Variants in ICA1L observed in about 807,000 individuals in gnomAD.
ICA1L encodes the protein islet cell autoantigen 1-like protein.
In ICA1L, 50 loss-of-function variants were observed where a neutral mutation model predicts 61.3. The ratio of observed to expected loss-of-function variants is 0.82; its 90% CI spans 0.65 to 1.03. The LOEUF is 1.03. Among genes scored for constraint, ICA1L ranks in the 50% least tolerant of loss-of-function variants. The pLI, the probability that ICA1L is intolerant of heterozygous loss-of-function variation, is 0.00. For synonymous variants in ICA1L, 161 were observed against 191.3 expected (o/e 0.84, Z 1.31); for missense variants, 508 against 556.7 (o/e 0.91, Z 0.88).
chr2:202,809,565 G>A (rs72932759), intron 9 of ICA1L, among the ~76,000 whole-genome samples: 14,034 of 151,788 alleles, frequency 0.092, 766 homozygotes, highest in Non-Finnish European at 0.13. Context: ...GGGGAGAATC[G>A]TTTGAACCTG....
intron 1 of ICA1L, among the ~76,000 whole-genome samples, chr2:202,836,630 G>T (rs916345422): frequency 6.6e-6 from 1 of 151,778 alleles, no homozygotes; most frequent in East Asian, 1.9e-4. Context: ...ATCAAGTTTG[G>T]CCTTTTCTTT....
chr2:202,794,933 G>A (rs546178358), intron 10 of ICA1L, among the ~76,000 whole-genome samples: 4 of 150,250 alleles, frequency 2.7e-5, no homozygotes, highest in Non-Finnish European at 4.4e-5. Flanking sequence ...ATAAAGTATC[G>A]AGCTTTTTAA....
chr2:202,789,586 TA>T (rs1238938950), intron 10 of ICA1L, among the ~76,000 whole-genome samples: 1 of 152,176 alleles, frequency 6.6e-6, no homozygotes, highest in East Asian at 1.9e-4. Flanking sequence ...ATTGTGTTCT[TA>T]AAGTAGGAAC....
chr2:202,790,395 ATC>A (rs1692709509), intron 10 of ICA1L, among the ~76,000 whole-genome samples: 1 of 150,258 alleles, frequency 6.7e-6, no homozygotes, highest in Non-Finnish European at 1.5e-5. Flanking sequence ...ACTTAAGAAA[ATC>A]TACTATAATT....
chr2:202,825,533 A>T (rs761891472), intron 3 of ICA1L, 162 bp downstream of exon 3: 105 of 1,349,960 alleles, frequency 7.8e-5, no homozygotes, highest in Non-Finnish European at 1.0e-4. Context: ...TGAGGAAAGA[A>T]GAGAGAATAC....
Position 202,817,492 on chromosome 2 carries a change from C to A in ICA1L, c.610G>T (p.Asp204Tyr), listed in dbSNP as rs750171053. The A allele has an allele frequency of 1.9e-6, 3 of 1,611,284 alleles. No individual in the cohort carries two copies. Among genetic ancestry groups the A allele is most frequent in the Non-Finnish European group, 2.5e-6 (3 of 1,178,158 alleles). ...AGTAAATCCACTTTCTGACAAACAT[C>A]CATCTTTAACTTGTCAAAAGAAGCT... ...SKASFDKLKM[D>Y]VCQKVDLLGA... Residue 204 changes from aspartate (D) to tyrosine (Y), a missense_variant, in exon 6 of 13, where the codon GAT (aspartate) becomes TAT (tyrosine). Transcript: ENST00000358299.
chr2:202,789,166 G>A (rs1692674979), intron 10 of ICA1L, 79 bp from the exon 11 acceptor site: 4 of 1,193,286 alleles, frequency 3.4e-6, no homozygotes, highest in Middle Eastern at 2.7e-4. Context: ...AATCAAATTT[G>A]TTTCATTGTT....
At position 202,773,610 on chromosome 2, in the gene ICA1L, G is replaced by T; in HGVS notation, c.*5923C>A. ...CCGTCCACAGTCCTAAGCCTGATAT[G>T]CTCAAAGCAAAGCCTCTTTCCCACA... On this transcript the variant is annotated 3_prime_UTR_variant, in exon 13 of 13. Transcript: ENST00000358299. The T allele has an allele frequency of 1.7e-6, 1 of 595,424 alleles. No individual in the cohort carries two copies. 36.9% of individuals were successfully genotyped at this position (595,424 alleles called of 1,614,324 possible).
chr2:202,782,210 C>T (rs1682229362), intron 12 of ICA1L, among the ~76,000 whole-genome samples: 1 of 151,780 alleles, frequency 6.6e-6, no homozygotes, highest in South Asian at 2.1e-4. Context: ...AGCCAGGTTT[C>T]CTGGCGTGCC....
At chr2:202,852,563 G>A (rs547568375) in intron 1 of ICA1L, among the ~76,000 whole-genome samples, 46 of 151,158 alleles carry the variant, frequency 3.0e-4, no homozygotes, top group South Asian at 1.9e-3. Context: ...CCAGCTACTC[G>A]GGAGGCTGAG....
chr2:202,834,605 G>T (rs4675298), intron 1 of ICA1L, among the ~76,000 whole-genome samples: 51,264 of 151,854 alleles, frequency 0.34, 9,361 homozygotes, highest in East Asian at 0.62. Flanking sequence ...TCTAGCCTGG[G>T]TGACAGAGCC....
chr2:202,784,807 T>A (rs1328258058), intron 12 of ICA1L, among the ~76,000 whole-genome samples: 1 of 152,164 alleles, frequency 6.6e-6, no homozygotes, highest in Non-Finnish European at 1.5e-5. Flanking sequence ...TACCGGGGAC[T>A]TAGGAGAAGG....
intron 5 of ICA1L, 76 bp from the exon 6 acceptor site, chr2:202,817,619 A>G: frequency 1.6e-6 from 1 of 643,088 alleles, no homozygotes; most frequent in Non-Finnish European, 2.3e-6. Context: ...TAAATATAGT[A>G]TACAGGTTCA....
intron 1 of ICA1L, among the ~76,000 whole-genome samples, chr2:202,847,497 T>G (rs1329715169): frequency 6.6e-6 from 1 of 152,010 alleles, no homozygotes; most frequent in East Asian, 1.9e-4. Flanking sequence ...CTGTGGGACC[T>G]CGTGCAAGTT....
At chr2:202,858,651 CT>C (rs1396958704) in intron 1 of ICA1L, among the ~76,000 whole-genome samples, 1 of 152,132 alleles carries the variant, frequency 6.6e-6, no homozygotes, top group Non-Finnish European at 1.5e-5. Flanking sequence ...AAAAAGAAAC[CT>C]GTTTAAAAAA....
rs1692162410 is a variant in ICA1L, at chr2:202,774,617, G to A, written c.*4916C>T. On this transcript the variant is annotated 3_prime_UTR_variant, in exon 13 of 13. Transcript: ENST00000358299. ...ATGCTGAGAGGGGGTCACATGGGAG[G>A]GGGCTCAGCCAAGCAGGTGGGGAGC... 3 of 267,538 alleles carry A rather than the reference G, an allele frequency of 1.1e-5. No homozygotes were observed. 16.6% of individuals were successfully genotyped at this position (267,538 alleles called of 1,614,324 possible).
intron 1 of ICA1L, chr2:202,870,939 T>C (rs1574396059): frequency 6.6e-6 from 1 of 152,214 alleles, no homozygotes; most frequent in Non-Finnish European, 1.5e-5. Context: ...CCTGGGCACC[T>C]GACCAGCTGA....
intron 1 of ICA1L, among the ~76,000 whole-genome samples, chr2:202,839,856 C>T (rs954876597): frequency 6.6e-6 from 1 of 151,726 alleles, no homozygotes; most frequent in Non-Finnish European, 1.5e-5. Flanking sequence ...TTTCGTTTAT[C>T]CACTATAGGT....
At chr2:202,840,025 C>T (rs1191537374) in intron 1 of ICA1L, among the ~76,000 whole-genome samples, 1 of 149,146 alleles carries the variant, frequency 6.7e-6, no homozygotes, top group Non-Finnish European at 1.5e-5. Context: ...TATTGTATAT[C>T]CCTTAATAAA....
Sources: gnomAD v4.1 joint callset for allele counts (sites outside exome capture counted in the v4.1 genomes callset) on GRCh38, gnomAD v4.1.1 for gene constraint, MANE v1.5 for transcripts, NCBI Gene and HGNC (gene_info 2026-07-23, HGNC 2026-07-21) for gene names.